Variants in HEXB observed in about 807,000 individuals in gnomAD.
The protein encoded by HEXB is hexosaminidase subunit beta.
Under a neutral mutation model 71.2 loss-of-function variants are expected in HEXB, and 51 were observed. The observed-to-expected ratio is 0.72, with a 90% confidence interval of 0.57 to 0.90. The LOEUF is 0.90. Ranked by LOEUF, HEXB falls within the 40% of genes least tolerant of loss-of-function variation. The pLI is 0.00. For missense variants in HEXB, 617 were observed against 677.0 expected (o/e 0.91, Z 0.98); for synonymous variants, 266 against 249.3 (o/e 1.07, Z -0.63).
chr5:74,671,857 C>T (rs1203410143), intron 1 of HEXB, among the ~76,000 whole-genome samples: 1 of 152,158 alleles, frequency 6.6e-6, no homozygotes, highest in Non-Finnish European at 1.5e-5. Flanking sequence ...ACCTGAGATG[C>T]TTCCTGGGTG....
upstream of HEXB, among the ~76,000 whole-genome samples, chr5:74,683,336 C>T (rs886199460): frequency 7.9e-5 from 12 of 151,808 alleles, no homozygotes; most frequent in African/African-American, 2.9e-4. Context: ...CAGAGTCTTA[C>T]TCTGTGGCAC....
At chr5:74,685,099 G>C, upstream of HEXB, 1 of 745,238 alleles carries the variant, frequency 1.3e-6, no homozygotes. Flanking sequence ...CGGGCTGGGC[G>C]AGGACGCTCC....
chr5:74,692,350 AAAG>A (rs1749021269), intron 2 of HEXB, among the ~76,000 whole-genome samples: 2 of 151,692 alleles, frequency 1.3e-5, no homozygotes, highest in South Asian at 2.1e-4. Context: ...AAAAAAAAAA[AAAG>A]AAAGAGAAAA....
At chr5:74,710,929 A>C (rs981947535) in intron 6 of HEXB, among the ~76,000 whole-genome samples, 25 of 152,114 alleles carry the variant, frequency 1.6e-4, no homozygotes, top group African/African-American at 6.0e-4. Flanking sequence ...AATTGGAAAA[A>C]ACTACTTGAA....
chr5:74,655,833 A>C (rs1748208328), intron 1 of HEXB, among the ~76,000 whole-genome samples: 1 of 152,190 alleles, frequency 6.6e-6, no homozygotes, highest in Admixed American at 6.5e-5. Flanking sequence ...TTTATAGGTA[A>C]GAATACTGGC....
chr5:74,704,131 C>G (rs1749324809), intron 5 of HEXB, among the ~76,000 whole-genome samples: 1 of 152,314 alleles, frequency 6.6e-6, no homozygotes, highest in Non-Finnish European at 1.5e-5. Context: ...GTTTACCAAC[C>G]CCTGGTCTAT....
chr5:74,700,001 C>CTTTTTTTTTTT (rs58177670), intron 5 of HEXB, among the ~76,000 whole-genome samples: 1 of 40,366 alleles, frequency 2.5e-5, no homozygotes, highest in Non-Finnish European at 4.3e-5. Context: ...TGTAAGTTTC[C>CTTTTTTTTTTT]TTTTTTTTTT....
At chr5:74,720,241 TGGGGG>T in intron 11 of HEXB, 182 bp from the exon 12 acceptor site, 1 of 613,942 alleles carries the variant, frequency 1.6e-6, no homozygotes, top group African/African-American at 1.9e-5. Flanking sequence ...ACCATTTTTT[TGGGGG>T]GTGGGGGAAG....
chr5:74,702,067 CTTTTTTTTTTTTTTTT>C (rs60295789), intron 5 of HEXB, among the ~76,000 whole-genome samples: 1 of 60,552 alleles, frequency 1.7e-5, no homozygotes, highest in Non-Finnish European at 2.9e-5. Context: ...CTTTCCTTGT[CTTTTTTTTTTTTTTTT>C]TTTTTTTTTT....
At chr5:74,718,228 CAT>C (rs1420260755) in intron 9 of HEXB, 61 bp from the exon 10 acceptor site, 12 of 1,091,550 alleles carry the variant, frequency 1.1e-5, no homozygotes, top group East Asian at 4.9e-5. Flanking sequence ...AGAAAATGTA[CAT>C]GTTTTAAATA....
intron 1 of HEXB, among the ~76,000 whole-genome samples, chr5:74,673,104 G>A (rs985149177): frequency 2.0e-5 from 3 of 152,172 alleles, no homozygotes; most frequent in African/African-American, 4.8e-5. Context: ...AGAGAATTGG[G>A]GAACAAGATA....
At chr5:74,702,786 A>C (rs546787725) in intron 5 of HEXB, among the ~76,000 whole-genome samples, 2 of 152,226 alleles carry the variant, frequency 1.3e-5, no homozygotes, top group Non-Finnish European at 2.9e-5. Context: ...GTGGCTACCG[A>C]GTGGTGATGC....
At chr5:74,687,592 T>C (rs942530850) in intron 1 of HEXB, among the ~76,000 whole-genome samples, 1 of 152,224 alleles carries the variant, frequency 6.6e-6, no homozygotes, top group African/African-American at 2.4e-5. Context: ...CTTTGAGTTT[T>C]CTGTTAGAAT....
Position 74,720,628 on chromosome 5 carries a change from T to C in HEXB, c.1509-15T>C, listed in dbSNP as rs753262356. The C allele has an allele frequency of 2.5e-6, 4 of 1,610,574 alleles. No homozygotes were observed. The highest frequency in any genetic ancestry group is 1.7e-4 in the Middle Eastern group (1 of 6,058). ...TTTAAACTGCTTGCGGGGGGATGTGTGATTTAAATTTTAGGCCTCGGGCAA... is the reference window on the plus strand; with the variant it reads ...TTTAAACTGCTTGCGGGGGGATGTGCGATTTAAATTTTAGGCCTCGGGCAA... On this transcript the variant is annotated splice_polypyrimidine_tract_variant and intron_variant, in intron 12 of 13. Transcript: ENST00000261416.
Position 74,643,185 on chromosome 5 carries a change from T to G in HEXB, c.-377+2627T>G, listed in dbSNP as rs113316075. Among the ~76,000 whole-genome samples the G allele has an allele frequency of 3.5e-3, 537 of 152,318 alleles. 7 individuals are homozygous for G. The highest frequency in any genetic ancestry group is 0.012 in the African/African-American group (504 of 41,556). Reference sequence around the variant, plus strand: ...CAATCTATGACTAGTTTTCGGGCAGTTGGGCAGTTTTTAATGCTTATCTCA... The same window carrying G: ...CAATCTATGACTAGTTTTCGGGCAGGTGGGCAGTTTTTAATGCTTATCTCA... On this transcript the variant is annotated intron_variant, in intron 1 of 13. Transcript: ENST00000511181.
intron 7 of HEXB, among the ~76,000 whole-genome samples, chr5:74,713,868 TCTCA>T (rs1248916992): frequency 6.6e-6 from 1 of 152,024 alleles, no homozygotes; most frequent in East Asian, 1.9e-4. Context: ...TGAGACGGAG[TCTCA>T]CTCCGTTGCC....
At position 74,721,237 on chromosome 5, in the gene HEXB, G is replaced by T. The variant is rs540446021; in HGVS notation, c.*62G>T. On this transcript the variant is annotated 3_prime_UTR_variant, in exon 14 of 14. Transcript: ENST00000261416. ...ACAATCAACTTTATTTTGAAATCAT[G>T]TAAAATAAGATATTAGACTGTTTTT... 3.3e-5 allele frequency: 42 copies of T among 1,278,258 alleles called. No individual in the cohort carries two copies. The African/African-American group carries it at 5.3e-4, about 16-fold the overall frequency. 79.2% of individuals were successfully genotyped at this position (1,278,258 alleles called of 1,614,324 possible).
At position 74,698,508 on chromosome 5, in the gene HEXB, C is replaced by T. The variant is rs185979761; in HGVS notation, c.669+1402C>T. Among the ~76,000 whole-genome samples the T allele has an allele frequency of 9.8e-3, 1,484 of 152,088 alleles. 23 individuals carry two copies. The highest frequency in any genetic ancestry group is 0.032 in the African/African-American group (1,311 of 41,472). Reference sequence around the variant, plus strand: ...CCGGATTCAAGCAATTCTCCTGCCTCGGCCTCCCGAGTAGCTGGGATTACA... The same window carrying T: ...CCGGATTCAAGCAATTCTCCTGCCTTGGCCTCCCGAGTAGCTGGGATTACA... On this transcript the variant is annotated intron_variant, in intron 5 of 13. Coordinates refer to ENST00000261416, the MANE Select transcript of HEXB (RefSeq NM_000521.4).
intron 1 of HEXB, among the ~76,000 whole-genome samples, chr5:74,659,862 A>G (rs1446060231): frequency 6.6e-6 from 1 of 152,218 alleles, no homozygotes; most frequent in Non-Finnish European, 1.5e-5. Flanking sequence ...TCTGAAATTT[A>G]GTATCATACT....
Sources: gnomAD v4.1 joint callset for allele counts (sites outside exome capture counted in the v4.1 genomes callset) on GRCh38, gnomAD v4.1.1 for gene constraint, MANE v1.5 for transcripts, NCBI Gene and HGNC (gene_info 2026-07-23, HGNC 2026-07-21) for gene names.